The following TMCC1 variants were observed in gnomAD, a reference collection of about 807,000 sequenced individuals.
TMCC1 encodes the protein transmembrane and coiled-coil domains protein 1.
A neutral mutation model predicts 52.4 loss-of-function variants in TMCC1; 15 were observed. The observed-to-expected ratio is 0.29, with a 90% CI of 0.19 to 0.44. TMCC1 has a LOEUF of 0.44. TMCC1 is among the 20% of genes least tolerant of loss of function. The pLI is 1.00. For synonymous variants in TMCC1, 279 were observed against 301.9 expected, an observed-to-expected ratio of 0.92 and a Z score of 0.79; for missense variants, 503 against 806.0, an observed-to-expected ratio of 0.62 and a Z score of 4.55.
intron 4 of TMCC1, among the ~76,000 whole-genome samples, chr3:129,774,133 T>C (rs1273868845): frequency 1.3e-5 from 2 of 152,184 alleles, no homozygotes; most frequent in African/African-American, 4.8e-5. Context: ...ATGTAGCCAA[T>C]TCTAGGTCTG....
At chr3:129,813,667 G>A (rs1560472832) in intron 4 of TMCC1, among the ~76,000 whole-genome samples, 1 of 152,064 alleles carries the variant, frequency 6.6e-6, no homozygotes, top group Non-Finnish European at 1.5e-5. Flanking sequence ...GGAGGAGGGT[G>A]AGGATCGAAA....
At chr3:129,795,836 T>G (rs933789764) in intron 4 of TMCC1, among the ~76,000 whole-genome samples, 1 of 152,216 alleles carries the variant, frequency 6.6e-6, no homozygotes, top group African/African-American at 2.4e-5. Flanking sequence ...CGCTAGTCAC[T>G]GAGTAAGCGA....
chr3:129,703,270 G>A (rs568259217), intron 4 of TMCC1, among the ~76,000 whole-genome samples: 12 of 152,352 alleles, frequency 7.9e-5, no homozygotes, highest in African/African-American at 2.6e-4. Flanking sequence ...AGATATGATA[G>A]ATATTAACTG....
intron 4 of TMCC1, among the ~76,000 whole-genome samples, chr3:129,766,994 G>C (rs190012943): frequency 6.6e-6 from 1 of 151,602 alleles, no homozygotes; most frequent in East Asian, 1.9e-4. Context: ...GGGCACAGTG[G>C]CTTATACCTG....
At chr3:129,656,606 T>TC (rs1362383920) in intron 5 of TMCC1, 2 of 152,166 alleles carry the variant, frequency 1.3e-5, no homozygotes, top group Non-Finnish European at 2.9e-5. Context: ...TATCCTAAAC[T>TC]CCACTGCTTT....
chr3:129,771,097 C>T lies in TMCC1; in HGVS notation c.576+56706G>A, dbSNP rs544293115. Among the ~76,000 whole-genome samples the T allele has an allele frequency of 3.5e-4, 54 of 152,118 alleles. 1 individual carries two copies. Among genetic ancestry groups the T allele is most frequent in the Non-Finnish European group, 7.1e-4 (48 of 68,028 alleles). ...CTAATACTTCCTTATTTCTAATGGT[C>T]CCCAGCTAGAATACTCTCAGAAATC... is the stretch of plus-strand genomic sequence containing the variant. On this transcript the variant is annotated intron_variant, in intron 4 of 6. Coordinates refer to ENST00000393238, the MANE Select transcript of TMCC1 (RefSeq NM_001017395.5).
intron 4 of TMCC1, among the ~76,000 whole-genome samples, chr3:129,709,647 ATAACTAG>A (rs1560238651): frequency 6.6e-6 from 1 of 152,066 alleles, no homozygotes; most frequent in African/African-American, 2.4e-5. Context: ...TAAAATAAAA[ATAACTAG>A]AAATGAAGAA....
chr3:129,693,783 T>G (rs1053252844), intron 4 of TMCC1, among the ~76,000 whole-genome samples: 1 of 152,236 alleles, frequency 6.6e-6, no homozygotes, highest in Admixed American at 6.5e-5. Context: ...AAGTAGTATC[T>G]GATTTTCATG....
At chr3:129,858,587 G>A (rs1274024502) in intron 2 of TMCC1, among the ~76,000 whole-genome samples, 2 of 151,996 alleles carry the variant, frequency 1.3e-5, no homozygotes. Context: ...GCCCAGGCTG[G>A]TCTCAAGCTC....
chr3:129,736,578 A>G (rs958298522), intron 4 of TMCC1, among the ~76,000 whole-genome samples: 7 of 150,902 alleles, frequency 4.6e-5, no homozygotes, highest in African/African-American at 1.7e-4. Flanking sequence ...CTGGAATGCA[A>G]TGGCACAATC....
In TMCC1 at chr3:129,671,153, T is replaced by G; in HGVS notation, c.688A>C (p.Thr230Pro). ...TGCAGGTGAGCAATGGCAGCCTTTG[T>G]GCGCTGAGGGTCTGGTGTTCCATCC... ...SVDGTPDPQRTKAAIAHLQQK... is the reference protein window; with the variant it reads ...SVDGTPDPQRPKAAIAHLQQK... Residue 230 changes from threonine to proline, a missense_variant, in exon 5 of 7, where the codon ACA becomes CCA. Thr to Pro is a conservative substitution (Grantham distance 38, BLOSUM62 -1). Coordinates refer to ENST00000393238, the MANE Select transcript of TMCC1 (RefSeq NM_001017395.5). 6.2e-7 allele frequency: 1 copy of G among 1,614,172 alleles called. No homozygotes were observed.
intron 4 of TMCC1, among the ~76,000 whole-genome samples, chr3:129,709,380 G>A (rs1414651506): frequency 6.6e-6 from 1 of 151,270 alleles, no homozygotes; most frequent in Non-Finnish European, 1.5e-5. Flanking sequence ...GGAGGCTGAG[G>A]TGGGAGGATC....
At chr3:129,751,567 T>G (rs1434944677) in intron 4 of TMCC1, among the ~76,000 whole-genome samples, 1 of 148,986 alleles carries the variant, frequency 6.7e-6, no homozygotes, top group Non-Finnish European at 1.5e-5. Flanking sequence ...CAATAGTATC[T>G]TTTTTTCCCC....
chr3:129,695,871 C>A (rs1420361766), intron 4 of TMCC1, among the ~76,000 whole-genome samples: 2 of 152,174 alleles, frequency 1.3e-5, no homozygotes, highest in African/African-American at 4.8e-5. Context: ...TCATGCCCTA[C>A]AAACCATAAA....
intron 4 of TMCC1, among the ~76,000 whole-genome samples, chr3:129,672,099 A>C (rs1443779997): frequency 5.9e-5 from 9 of 152,234 alleles, no homozygotes; most frequent in Admixed American, 5.9e-4. Flanking sequence ...TAATCCTTTC[A>C]TGTGGGTGAG....
At chr3:129,835,011 T>C (rs1171431133) in intron 2 of TMCC1, among the ~76,000 whole-genome samples, 3 of 152,216 alleles carry the variant, frequency 2.0e-5, no homozygotes, top group Non-Finnish European at 4.4e-5. Flanking sequence ...CTTGGTAAGA[T>C]GTCTCTTATT....
chr3:129,674,082 C>T (rs999365759), intron 4 of TMCC1, among the ~76,000 whole-genome samples: 6 of 152,104 alleles, frequency 3.9e-5, no homozygotes, highest in Admixed American at 2.6e-4. Flanking sequence ...ACCACATAGC[C>T]CAGGCGTTAT....
chr3:129,730,282 A>T (rs1174514911), intron 4 of TMCC1, among the ~76,000 whole-genome samples: 1 of 152,126 alleles, frequency 6.6e-6, no homozygotes, highest in Admixed American at 6.5e-5. Context: ...GTGTTGTTCT[A>T]AAAGTTTCAT....
rs1459536681 is a variant in TMCC1, at chr3:129,648,316, G to A, written c.*3165C>T. On this transcript the variant is annotated 3_prime_UTR_variant, in exon 7 of 7. Transcript: ENST00000393238. ...TGCAGTGAAGACCACATGAAAATAC[G>A]CTCATTATTTGGACATGGCTAGTGA... 1.3e-5 allele frequency: 2 copies of A among 152,172 alleles called. No homozygotes were observed. The highest frequency in any genetic ancestry group is 1.3e-4 in the Admixed American group (2 of 15,266). 9.4% of individuals were successfully genotyped at this position (152,172 alleles called of 1,614,324 possible).
Sources: gnomAD v4.1 joint callset for allele counts (sites outside exome capture counted in the v4.1 genomes callset) on GRCh38, gnomAD v4.1.1 for gene constraint, MANE v1.5 for transcripts, NCBI Gene and HGNC (gene_info 2026-07-23, HGNC 2026-07-21) for gene names.